Variants in PTPRR observed in about 807,000 individuals in gnomAD.
PTPRR encodes the protein receptor-type tyrosine-protein phosphatase R.
In PTPRR, 38 loss-of-function variants were observed where a neutral mutation model predicts 77.2. The ratio of observed to expected loss-of-function variants is 0.49; its 90% CI spans 0.38 to 0.65. The LOEUF is 0.65. Among genes scored for constraint, PTPRR ranks in the 30% least tolerant of loss-of-function variants. PTPRR has a pLI of 0.00. For synonymous variants in PTPRR, 299 were observed against 283.1 expected (o/e 1.06, Z -0.57); for missense variants, 744 against 799.2 (o/e 0.93, Z 0.83).
intron 6 of PTPRR, among the ~76,000 whole-genome samples, chr12:70,718,594 T>C (rs993835492): frequency 1.3e-4 from 20 of 152,288 alleles, no homozygotes; most frequent in African/African-American, 4.8e-4. Flanking sequence ...AATACACACC[T>C]TTTTTGTGTC....
intron 2 of PTPRR, among the ~76,000 whole-genome samples, chr12:70,823,157 A>G (rs1374349536): frequency 6.8e-6 from 1 of 147,146 alleles, no homozygotes; most frequent in African/African-American, 2.5e-5. Flanking sequence ...ACACACACAG[A>G]GTTGTCGTTT....
intron 2 of PTPRR, among the ~76,000 whole-genome samples, chr12:70,773,109 C>T (rs1234163667): frequency 3.3e-5 from 5 of 152,114 alleles, no homozygotes; most frequent in East Asian, 1.9e-4. Flanking sequence ...TGTGTCTTCA[C>T]GTCTTCCCTC....
intron 3 of PTPRR, 35 bp from the exon 4 acceptor site, chr12:70,761,661 C>T: frequency 2.1e-6 from 3 of 1,462,128 alleles, no homozygotes; most frequent in Non-Finnish European, 2.8e-6. Flanking sequence ...TTGTTATAGA[C>T]ATTTTAAACA....
At chr12:70,868,726 A>C (rs1892905437) in intron 2 of PTPRR, among the ~76,000 whole-genome samples, 1 of 152,126 alleles carries the variant, frequency 6.6e-6, no homozygotes, top group Admixed American at 6.5e-5. Flanking sequence ...TGCTATAAAG[A>C]CACATGCACA....
chr12:70,814,268 T>G (rs1392508157), intron 2 of PTPRR, among the ~76,000 whole-genome samples: 1 of 152,134 alleles, frequency 6.6e-6, no homozygotes, highest in East Asian at 1.9e-4. Context: ...CATCTGGGAA[T>G]GTTCTTGGGA....
intron 2 of PTPRR, among the ~76,000 whole-genome samples, chr12:70,776,368 A>G (rs1443915962): frequency 9.2e-5 from 14 of 152,208 alleles, no homozygotes; most frequent in Non-Finnish European, 2.1e-4. Flanking sequence ...CTATTTGGCT[A>G]GAATCCTAAT....
At chr12:70,801,245 T>A (rs1565701656) in intron 2 of PTPRR, among the ~76,000 whole-genome samples, 1 of 152,224 alleles carries the variant, frequency 6.6e-6, no homozygotes, top group Non-Finnish European at 1.5e-5. Flanking sequence ...TCCATTGTCA[T>A]GGTTAATTTT....
At position 70,673,434 on chromosome 12, in the gene PTPRR, A is replaced by T. The variant is rs560661494; in HGVS notation, c.1497+10693T>A. 1.1e-4 allele frequency among the ~76,000 whole-genome samples: 17 copies of T among 152,362 alleles called. No individual in the cohort carries two copies. In the East Asian group the frequency reaches 3.1e-3, roughly 28 times the overall value. On this transcript the variant is annotated intron_variant, in intron 10 of 13. Transcript: ENST00000283228. ...CACAGTTATTACAATGTATTCTGTA[A>T]TCCTTGTGAGATATTGTTTCACATA...
chr12:70,755,487 G>A (rs570770350), intron 4 of PTPRR, among the ~76,000 whole-genome samples: 1 of 152,272 alleles, frequency 6.6e-6, no homozygotes, highest in Admixed American at 6.5e-5. Context: ...ATGCAAGTGT[G>A]TTTTGGTGGG....
At chr12:70,793,563 A>T (rs987820517) in intron 2 of PTPRR, among the ~76,000 whole-genome samples, 22 of 152,156 alleles carry the variant, frequency 1.4e-4, no homozygotes, top group Admixed American at 7.9e-4. Context: ...AATGACATCT[A>T]CCTATTATGA....
chr12:70,811,018 A>C (rs1344308599), intron 2 of PTPRR, among the ~76,000 whole-genome samples: 1 of 152,176 alleles, frequency 6.6e-6, no homozygotes, highest in Non-Finnish European at 1.5e-5. Context: ...GTGTGCCCTT[A>C]GGTATCTTTG....
At chr12:70,767,692 C>G (rs1184570996) in intron 2 of PTPRR, among the ~76,000 whole-genome samples, 2 of 152,184 alleles carry the variant, frequency 1.3e-5, no homozygotes, top group Admixed American at 1.3e-4. Flanking sequence ...AATTCTCCAT[C>G]CCAAATCAAC....
chr12:70,800,205 T>G (rs1388831205), intron 2 of PTPRR, among the ~76,000 whole-genome samples: 6 of 151,604 alleles, frequency 4.0e-5, no homozygotes, highest in African/African-American at 1.5e-4. Flanking sequence ...GCTTCCTGTC[T>G]CTTGAAATCT....
intron 2 of PTPRR, among the ~76,000 whole-genome samples, chr12:70,836,997 TA>T (rs1365109227): frequency 6.6e-6 from 1 of 152,086 alleles, no homozygotes; most frequent in African/African-American, 2.4e-5. Context: ...TTATCTTATT[TA>T]AAATATTTTG....
chr12:70,906,645 T>A (rs34839243), intron 1 of PTPRR, among the ~76,000 whole-genome samples: 2 of 152,034 alleles, frequency 1.3e-5, no homozygotes, highest in African/African-American at 4.8e-5. Flanking sequence ...AAAGCCAGTT[T>A]TACAGAATTC....
At chr12:70,764,606 G>T in intron 3 of PTPRR, 59 bp downstream of exon 3, 1 of 1,379,666 alleles carries the variant, frequency 7.2e-7, no homozygotes, top group Non-Finnish European at 1.0e-6. Context: ...GCCCTTTAGT[G>T]ATTAAAAAAA....
chr12:70,754,605 T>C, intron 4 of PTPRR: 1 of 1,597,662 alleles, frequency 6.3e-7, no homozygotes, highest in Non-Finnish European at 8.5e-7. Flanking sequence ...GGTAAGAGAG[T>C]TCTGTTCTTT....
chr12:70,915,737 G>T (rs1169037809), intron 1 of PTPRR, among the ~76,000 whole-genome samples: 2 of 152,114 alleles, frequency 1.3e-5, no homozygotes, highest in African/African-American at 4.8e-5. Context: ...AGTGTGTTTT[G>T]GGGGCATGTG....
chr12:70,774,811 T>C (rs1891055208), intron 2 of PTPRR, among the ~76,000 whole-genome samples: 1 of 152,122 alleles, frequency 6.6e-6, no homozygotes, highest in Non-Finnish European at 1.5e-5. Context: ...TCAGACAAAA[T>C]AAAAAATATA....
Sources: gnomAD v4.1 joint callset for allele counts (sites outside exome capture counted in the v4.1 genomes callset) on GRCh38, gnomAD v4.1.1 for gene constraint, MANE v1.5 for transcripts, NCBI Gene and HGNC (gene_info 2026-07-23, HGNC 2026-07-21) for gene names.